CNIH3: variants seen among roughly 807,000 people sequenced by gnomAD.
CNIH3 encodes cornichon family AMPA receptor auxiliary protein 3, also known as protein cornichon homolog 3.
CNIH3 carries 14 observed loss-of-function variants against 24.1 expected under a neutral mutation model. The observed-to-expected ratio is 0.58, with a 90% confidence interval of 0.38 to 0.91. The LOEUF (loss-of-function observed/expected upper bound fraction) is 0.91, where lower values mean the gene tolerates loss of function less well. CNIH3 is among the 40% of genes least tolerant of loss of function. The pLI is 0.00. For synonymous variants in CNIH3, 68 were observed against 73.8 expected (o/e 0.92, Z 0.40); for missense variants, 178 against 196.8 (o/e 0.90, Z 0.57).
intron 2 of CNIH3, among the ~76,000 whole-genome samples, chr1:224,526,900 G>A (rs2124924410): frequency 6.6e-6 from 1 of 152,278 alleles, no homozygotes; most frequent in South Asian, 2.1e-4. Flanking sequence ...GAGAAGCGGA[G>A]AGGGGGCCAC....
intron 3 of CNIH3, chr1:224,565,291 C>T (rs1033543902): frequency 6.6e-6 from 1 of 152,220 alleles, no homozygotes; most frequent in Non-Finnish European, 1.5e-5. Context: ...TGTCCTGTCA[C>T]AGCCATATTT....
At position 224,740,108 on chromosome 1, in the gene CNIH3, C is replaced by T. The variant is rs1048581662; in HGVS notation, c.*752C>T. 6.6e-6 allele frequency: 1 copy of T among 152,226 alleles called. No individual in the cohort carries two copies. Among genetic ancestry groups the T allele is most frequent in the African/African-American group, 2.4e-5 (1 of 41,448 alleles). The allele number at this position is 152,226 out of a possible 1,614,324, so 9.4% of individuals were successfully genotyped here. On this transcript the variant is annotated 3_prime_UTR_variant, in exon 6 of 6. Transcript: ENST00000272133. ...TGCAAATCAATTGGTCAATGCTAGT[C>T]AAAGCTATGTTCTTACAAAAACCCC...
chr1:224,728,907 T>A (rs949929051), intron 3 of CNIH3, among the ~76,000 whole-genome samples: 13 of 152,170 alleles, frequency 8.5e-5, no homozygotes, highest in African/African-American at 3.1e-4. Context: ...CAAATGGAAA[T>A]GAGAAAAGAA....
At chr1:224,614,936 C>CAAAT (rs56329135), upstream of CNIH3, among the ~76,000 whole-genome samples, 23,130 of 146,474 alleles carry the variant, frequency 0.16, 2,265 homozygotes, top group Middle Eastern at 0.25. Flanking sequence ...GAGACTCCGT[C>CAAAT]AAATAAATAA....
intron 1 of CNIH3, among the ~76,000 whole-genome samples, chr1:224,635,372 T>C (rs751391238): frequency 6.6e-6 from 1 of 152,166 alleles, no homozygotes. Context: ...AGAGGTGATA[T>C]TATGGCTCAA....
At chr1:224,490,412 G>A (rs1677196768) in intron 1 of CNIH3, among the ~76,000 whole-genome samples, 1 of 152,166 alleles carries the variant, frequency 6.6e-6, no homozygotes, top group African/African-American at 2.4e-5. Context: ...TTGTCTCTGG[G>A]TGCAAAGTGG....
At chr1:224,705,850 C>CTTTTTTTTTTTTTT (rs61128987) in intron 3 of CNIH3, among the ~76,000 whole-genome samples, 1 of 90,208 alleles carries the variant, frequency 1.1e-5, no homozygotes, top group Non-Finnish European at 2.4e-5. Flanking sequence ...TCTTTCTTTT[C>CTTTTTTTTTTTTTT]TTTTTTTTCT....
chr1:224,473,994 TTC>T (rs1676468008), intron 1 of CNIH3, among the ~76,000 whole-genome samples: 1 of 152,210 alleles, frequency 6.6e-6, no homozygotes, highest in Non-Finnish European at 1.5e-5. Context: ...ACAGGAGGAA[TTC>T]TGGAAATTAT....
chr1:224,623,217 T>A (rs1478804683), intron 1 of CNIH3, among the ~76,000 whole-genome samples: 1 of 152,140 alleles, frequency 6.6e-6, no homozygotes, highest in Non-Finnish European at 1.5e-5. Flanking sequence ...CTCCTTTGAC[T>A]GTGGCTTTTC....
intron 2 of CNIH3, among the ~76,000 whole-genome samples, chr1:224,683,821 TGTGTGCACATAAGTATGTGTGTTTGC>T (rs1686517546): frequency 6.6e-6 from 1 of 152,228 alleles, no homozygotes; most frequent in African/African-American, 2.4e-5. Context: ...CTTTCGTGCG[TGTGTGCACATAAGTATGTGTGTTTGC>T]GTGTGCACAT....
At chr1:224,562,830 G>A (rs1244870606) in intron 3 of CNIH3, among the ~76,000 whole-genome samples, 1 of 152,124 alleles carries the variant, frequency 6.6e-6, no homozygotes, top group Non-Finnish European at 1.5e-5. Context: ...CCCACCAGGA[G>A]CAGATGCTGG....
At chr1:224,532,325 G>A (rs1679105908) in intron 2 of CNIH3, among the ~76,000 whole-genome samples, 1 of 152,222 alleles carries the variant, frequency 6.6e-6, no homozygotes, top group African/African-American at 2.4e-5. Flanking sequence ...GGCACAGAGG[G>A]CCTTGTGGGC....
chr1:224,677,355 A>C (rs1414144117), intron 1 of CNIH3, among the ~76,000 whole-genome samples: 1 of 152,218 alleles, frequency 6.6e-6, no homozygotes, highest in Non-Finnish European at 1.5e-5. Context: ...TGGTGAGGAC[A>C]GGCACCGATC....
At chr1:224,561,998 G>A (rs1680393301) in intron 3 of CNIH3, among the ~76,000 whole-genome samples, 2 of 151,476 alleles carry the variant, frequency 1.3e-5, no homozygotes, top group African/African-American at 4.9e-5. Context: ...AAGGGAGGGG[G>A]TGGAGTTGAA....
chr1:224,627,088 C>T (rs116018882), intron 1 of CNIH3, among the ~76,000 whole-genome samples: 119 of 152,250 alleles, frequency 7.8e-4, no homozygotes, highest in Middle Eastern at 6.8e-3. Flanking sequence ...TATGTGTTCA[C>T]GGGACTTAGG....
At chr1:224,526,125 G>A (rs1007476950) in intron 2 of CNIH3, among the ~76,000 whole-genome samples, 2 of 152,128 alleles carry the variant, frequency 1.3e-5, no homozygotes, top group African/African-American at 4.8e-5. Flanking sequence ...ACATTTGCTG[G>A]TTTTTTCTAT....
intron 1 of CNIH3, among the ~76,000 whole-genome samples, chr1:224,505,019 TCCCTCCCTCCCTC>T (rs1677841267): frequency 1.8e-4 from 5 of 27,642 alleles, no homozygotes; most frequent in African/African-American, 6.0e-4. Flanking sequence ...CCTCCCTCCC[TCCCTCCCTCCCTC>T]CCTTCCTTCC....
intron 1 of CNIH3, among the ~76,000 whole-genome samples, chr1:224,450,201 A>G (rs1381738391): frequency 3.9e-5 from 6 of 152,230 alleles, no homozygotes; most frequent in Non-Finnish European, 7.3e-5. Flanking sequence ...ATATTCTTAT[A>G]AGCTTACACA....
chr1:224,684,655 G>A lies in CNIH3; in HGVS notation c.151-141G>A. On this transcript the variant is annotated intron_variant, in intron 2 of 5. Transcript: ENST00000272133. This position sits in a 1 kb window ranked among gnomAD's most constrained non-coding sequence, Gnocchi z 4.2. ...ACTCTGTTAGAAAAAGCCACTGGGT[G>A]GGAGCATGCTGGCCATGTGCCCAGG... 2.8e-6 allele frequency: 2 copies of A among 723,736 alleles called. No individual in the cohort carries two copies. Among genetic ancestry groups the A allele is most frequent in the Non-Finnish European group, 5.0e-6 (2 of 397,324 alleles). The allele number at this position is 723,736 out of a possible 1,614,324, so 44.8% of individuals were successfully genotyped here. A position where few individuals can be genotyped will look rare whatever the true frequency, so the allele number is the denominator to read the frequency against.
Sources: allele counts gnomAD v4.1 joint callset (sites outside exome capture counted in the v4.1 genomes callset), GRCh38; gene constraint gnomAD v4.1.1; non-coding constraint Gnocchi (gnomAD v3.1); transcripts MANE v1.5; gene names NCBI Gene and HGNC (gene_info 2026-07-23, HGNC 2026-07-21).